CFAP221: variants seen among roughly 807,000 people sequenced by gnomAD.
The protein encoded by CFAP221 is cilia- and flagella-associated protein 221.
A neutral mutation model predicts 113.1 loss-of-function variants in CFAP221; 97 were observed. The observed-to-expected ratio is 0.86, with a 90% CI of 0.73 to 1.02. The LOEUF (loss-of-function observed/expected upper bound fraction) is 1.02. Among genes scored for constraint, CFAP221 ranks in the 50% least tolerant of loss-of-function variants. CFAP221 has a pLI of 0.00. For missense variants in CFAP221, 1,025 were observed against 1,013.4 expected (o/e 1.01, Z -0.16); for synonymous variants, 331 against 354.4 (o/e 0.93, Z 0.74).
At chr2:119,611,886 C>T (rs1685191216) in intron 13 of CFAP221, 144 bp downstream of exon 13, 2 of 718,220 alleles carry the variant, frequency 2.8e-6, no homozygotes, top group African/African-American at 3.6e-5. Flanking sequence ...AGAATGTTAC[C>T]ATGTTTTTGC....
chr2:119,565,030 C>T (rs996364228), intron 6 of CFAP221, among the ~76,000 whole-genome samples: 1 of 152,194 alleles, frequency 6.6e-6, no homozygotes, highest in Non-Finnish European at 1.5e-5. Flanking sequence ...GTTTCTCCTA[C>T]ATTGTTGCTA....
intron 14 of CFAP221, among the ~76,000 whole-genome samples, chr2:119,623,608 C>A (rs1686090596): frequency 6.6e-6 from 1 of 152,152 alleles, no homozygotes; most frequent in African/African-American, 2.4e-5. Flanking sequence ...TGCTACCTGA[C>A]TTCAAACTAT....
chr2:119,612,873 TCCAAAGTC>T (rs1685273966), intron 13 of CFAP221, among the ~76,000 whole-genome samples: 1 of 152,118 alleles, frequency 6.6e-6, no homozygotes, highest in African/African-American at 2.4e-5. Flanking sequence ...AAAGTCTCAG[TCCAAAGTC>T]CTATCTGAGA....
intron 6 of CFAP221, among the ~76,000 whole-genome samples, chr2:119,565,152 A>T (rs1310845977): frequency 2.6e-5 from 4 of 152,108 alleles, no homozygotes; most frequent in African/African-American, 9.7e-5. Flanking sequence ...ACTCCACCAC[A>T]GTACTTCCTC....
intron 6 of CFAP221, among the ~76,000 whole-genome samples, chr2:119,582,604 C>A (rs571161065): frequency 6.6e-6 from 1 of 151,916 alleles, no homozygotes; most frequent in Non-Finnish European, 1.5e-5. Flanking sequence ...TACAGGCACA[C>A]GCAACTGTGC....
At chr2:119,600,395 A>G (rs1025997701) in intron 7 of CFAP221, among the ~76,000 whole-genome samples, 16 of 152,344 alleles carry the variant, frequency 1.1e-4, no homozygotes, top group African/African-American at 3.6e-4. Context: ...GTGCGTTCCT[A>G]GCTTTTCCTG....
intron 12 of CFAP221, among the ~76,000 whole-genome samples, chr2:119,609,871 A>T (rs1395191199): frequency 3.3e-5 from 5 of 152,220 alleles, no homozygotes; most frequent in African/African-American, 1.2e-4. Flanking sequence ...CCAGATTTGG[A>T]GTCCAACTAG....
At chr2:119,550,069 A>G (rs1323606748) in intron 3 of CFAP221, among the ~76,000 whole-genome samples, 1 of 152,174 alleles carries the variant, frequency 6.6e-6, no homozygotes, top group African/African-American at 2.4e-5. Flanking sequence ...GTTCGGCCCT[A>G]GATCCAGGCC....
At chr2:119,556,317 C>T (rs1195737702) in intron 3 of CFAP221, 1 of 152,158 alleles carries the variant, frequency 6.6e-6, no homozygotes. Context: ...TAAGCAGAAG[C>T]TGAACGTTTT....
At chr2:119,552,335 TTC>T (rs1372231181) in intron 3 of CFAP221, among the ~76,000 whole-genome samples, 2 of 138,376 alleles carry the variant, frequency 1.4e-5, no homozygotes, top group African/African-American at 5.1e-5. Flanking sequence ...ATAGAAATAT[TTC>T]TTTCTTTAAT....
intron 13 of CFAP221, among the ~76,000 whole-genome samples, chr2:119,615,237 G>A (rs898853235): frequency 6.6e-6 from 1 of 152,226 alleles, no homozygotes; most frequent in Admixed American, 6.5e-5. Context: ...ATGCAGGGCT[G>A]AGTAAAGTAG....
At chr2:119,562,723 G>A (rs1347613564) in intron 6 of CFAP221, among the ~76,000 whole-genome samples, 1 of 152,122 alleles carries the variant, frequency 6.6e-6, no homozygotes, top group Non-Finnish European at 1.5e-5. Context: ...TGTTCTTTCA[G>A]TATATACTAA....
At chr2:119,556,962 C>T (rs1437403941) in intron 3 of CFAP221, 2 of 152,190 alleles carry the variant, frequency 1.3e-5, no homozygotes, top group African/African-American at 2.4e-5. Flanking sequence ...TTTGCTGTGA[C>T]ATACTCATGT....
intron 22 of CFAP221, among the ~76,000 whole-genome samples, chr2:119,649,281 C>A (rs543263276): frequency 5.3e-5 from 8 of 152,164 alleles, no homozygotes; most frequent in African/African-American, 1.7e-4. Context: ...GTACACTCCT[C>A]GACTTATGAT....
At chr2:119,562,229 GAC>G in intron 6 of CFAP221, 115 bp downstream of exon 6, 2 of 500,944 alleles carry the variant, frequency 4.0e-6, no homozygotes, top group East Asian at 4.6e-5. Context: ...ACCTGAAATA[GAC>G]TGGACTTGTC....
Position 119,546,124 on chromosome 2 carries a change from A to G in CFAP221, c.-8A>G. 1 of 1,522,204 alleles carries G rather than the reference A, an allele frequency of 6.6e-7. No individual in the cohort carries two copies. The allele number at this position is 1,522,204 out of a possible 1,614,324, so 94.3% of individuals were successfully genotyped here. A position where few individuals can be genotyped will look rare whatever the true frequency, so the allele number is the denominator to read the frequency against. On this transcript the variant is annotated 5_prime_UTR_variant, in exon 2 of 24. An upstream start codon of the reference 5' UTR is lost. Transcript: ENST00000413369. ...CTCTAAAAAGAAGACTCCATTTTTCATGATAAAATGGCAGTGGTGAAAACC... is the reference window on the plus strand; with the variant it reads ...CTCTAAAAAGAAGACTCCATTTTTCGTGATAAAATGGCAGTGGTGAAAACC...
At chr2:119,554,655 G>A (rs1020491680) in intron 3 of CFAP221, among the ~76,000 whole-genome samples, 2 of 152,120 alleles carry the variant, frequency 1.3e-5, no homozygotes, top group African/African-American at 2.4e-5. Flanking sequence ...GCCATGAATC[G>A]CATTGGCTTC....
intron 6 of CFAP221, among the ~76,000 whole-genome samples, chr2:119,570,140 G>T (rs1023069452): frequency 6.6e-6 from 1 of 152,200 alleles, no homozygotes; most frequent in African/African-American, 2.4e-5. Flanking sequence ...CAGCAGGAGG[G>T]TATTCTACAA....
At chr2:119,584,867 G>A (rs1469722422) in intron 6 of CFAP221, among the ~76,000 whole-genome samples, 2 of 152,152 alleles carry the variant, frequency 1.3e-5, no homozygotes, top group Non-Finnish European at 2.9e-5. Flanking sequence ...AAAGGGCTTT[G>A]AAAAATATTT....
Sources: gnomAD v4.1 joint callset for allele counts (sites outside exome capture counted in the v4.1 genomes callset) on GRCh38, gnomAD v4.1.1 for gene constraint, MANE v1.5 for transcripts, NCBI Gene and HGNC (gene_info 2026-07-23, HGNC 2026-07-21) for gene names.